Variants in TGM4 observed in about 807,000 individuals in gnomAD.
The protein encoded by TGM4 is transglutaminase 4, also known as protein-glutamine gamma-glutamyltransferase 4.
Under a neutral mutation model 76.3 loss-of-function variants are expected in TGM4, and 61 were observed. That is an observed-to-expected ratio of 0.80 (90% CI 0.65 to 0.99). TGM4 has a LOEUF of 0.99. TGM4 is among the 50% of genes least tolerant of loss of function. The probability of loss-of-function intolerance (pLI) is 0.00; values close to 1 mark genes in which losing one functional copy is unlikely to be tolerated. For missense variants in TGM4, 794 were observed against 843.2 expected, an observed-to-expected ratio of 0.94 and a Z score of 0.72; for synonymous variants, 337 against 329.8, an observed-to-expected ratio of 1.02 and a Z score of -0.24.
At chr3:44,879,375 C>A (rs961834715) in intron 1 of TGM4, among the ~76,000 whole-genome samples, 1 of 150,996 alleles carries the variant, frequency 6.6e-6, no homozygotes, top group Non-Finnish European at 1.5e-5. Flanking sequence ...GGCGTGATCT[C>A]GGCTCACTGC....
intron 1 of TGM4, among the ~76,000 whole-genome samples, chr3:44,883,011 T>C (rs1257420630): frequency 6.6e-6 from 1 of 152,204 alleles, no homozygotes; most frequent in East Asian, 1.9e-4. Context: ...CTTTCCTGCT[T>C]CCTGGTACCA....
intron 3 of TGM4, chr3:44,889,148 C>A (rs552355793): frequency 8.8e-6 from 1 of 113,530 alleles, no homozygotes; most frequent in East Asian, 2.9e-4. Context: ...GCCTGGGCAA[C>A]ACAGGGCTAC....
At chr3:44,885,858 A>G (rs1045122235) in intron 2 of TGM4, among the ~76,000 whole-genome samples, 2 of 152,216 alleles carry the variant, frequency 1.3e-5, no homozygotes, top group African/African-American at 4.8e-5. Flanking sequence ...AGGCAAGCCA[A>G]TAATAATGAT....
chr3:44,882,545 T>C (rs1323438376), intron 1 of TGM4, among the ~76,000 whole-genome samples: 10 of 152,228 alleles, frequency 6.6e-5, no homozygotes, highest in Admixed American at 3.9e-4. Flanking sequence ...CCCTTGTCTT[T>C]CTTGGTTTCT....
At chr3:44,903,813 A>G in intron 8 of TGM4, 71 bp from the exon 9 acceptor site, 1 of 1,386,870 alleles carries the variant, frequency 7.2e-7, no homozygotes, top group Non-Finnish European at 1.0e-6. Context: ...GTCTCTGGCA[A>G]TTTTGGCGTA....
At chr3:44,897,525 G>A (rs1699796096) in intron 6 of TGM4, among the ~76,000 whole-genome samples, 4 of 152,174 alleles carry the variant, frequency 2.6e-5, no homozygotes. Context: ...CTGTGTTCCA[G>A]GAAACCCCTC....
intron 5 of TGM4, among the ~76,000 whole-genome samples, chr3:44,895,530 G>T (rs531352495): frequency 3.9e-5 from 6 of 152,240 alleles, no homozygotes; most frequent in Non-Finnish European, 4.4e-5. Flanking sequence ...CTGTGGGGAG[G>T]GGGGACTGCA....
At chr3:44,905,181 T>G (rs1699905736) in intron 9 of TGM4, among the ~76,000 whole-genome samples, 1 of 152,184 alleles carries the variant, frequency 6.6e-6, no homozygotes, top group African/African-American at 2.4e-5. Flanking sequence ...AGACAGGGTT[T>G]CACCCTGCTG....
intron 1 of TGM4, 62 bp from the exon 2 acceptor site, chr3:44,885,261 AAG>A: frequency 1.3e-6 from 2 of 1,502,092 alleles, no homozygotes; most frequent in Non-Finnish European, 1.8e-6. Context: ...TGAACCCAGA[AAG>A]AGGTGATCAG....
intron 11 of TGM4, among the ~76,000 whole-genome samples, chr3:44,910,655 T>A (rs1201954878): frequency 1.3e-5 from 2 of 152,120 alleles, no homozygotes; most frequent in Non-Finnish European, 2.9e-5. Flanking sequence ...GAAATTTTAA[T>A]CTCAGATGCC....
At chr3:44,903,741 A>G in intron 8 of TGM4, 143 bp from the exon 9 acceptor site, 1 of 750,592 alleles carries the variant, frequency 1.3e-6, no homozygotes, top group South Asian at 1.6e-5. Flanking sequence ...CTTCCTTGCC[A>G]GTGTTGACAA....
intron 1 of TGM4, among the ~76,000 whole-genome samples, chr3:44,881,056 A>G (rs1292837328): frequency 6.6e-6 from 1 of 152,138 alleles, no homozygotes; most frequent in Non-Finnish European, 1.5e-5. Context: ...CATCACCACT[A>G]TGAAGTGCAC....
intron 3 of TGM4, 173 bp from the exon 4 acceptor site, chr3:44,890,430 C>A (rs1699675781): frequency 2.4e-6 from 2 of 822,438 alleles, no homozygotes; most frequent in Admixed American, 2.4e-5. Flanking sequence ...TCTCATGCAT[C>A]CTGCCCTTGC....
intron 6 of TGM4, among the ~76,000 whole-genome samples, chr3:44,898,040 G>T (rs1450762251): frequency 6.6e-6 from 1 of 152,182 alleles, no homozygotes; most frequent in African/African-American, 2.4e-5. Context: ...CCAGCACTTT[G>T]GGAGGCCGAG....
intron 13 of TGM4, among the ~76,000 whole-genome samples, chr3:44,912,323 A>AT (rs575618455): frequency 9.2e-5 from 14 of 151,906 alleles, no homozygotes; most frequent in South Asian, 6.2e-4. Flanking sequence ...TTTATCTGGA[A>AT]TTTTTTTTGG....
intron 11 of TGM4, 72 bp downstream of exon 11, chr3:44,910,440 C>A: frequency 6.6e-7 from 1 of 1,521,186 alleles, no homozygotes; most frequent in Non-Finnish European, 8.9e-7. Context: ...CTCTTCTCCT[C>A]TGTGGACAAC....
intron 4 of TGM4, among the ~76,000 whole-genome samples, chr3:44,892,434 G>A (rs957588402): frequency 6.8e-5 from 10 of 146,820 alleles, no homozygotes; most frequent in South Asian, 2.2e-4. Flanking sequence ...GCAATGGTGC[G>A]ATCTTGGCTC....
At chr3:44,887,489 A>G (rs938418653) in intron 2 of TGM4, among the ~76,000 whole-genome samples, 200 bp from the exon 3 acceptor site, 1 of 152,166 alleles carries the variant, frequency 6.6e-6, no homozygotes, top group Admixed American at 6.5e-5. Context: ...GCTCATCTAA[A>G]TTGAACAGAA....
At chr3:44,909,098 G>T (rs751044418) in intron 10 of TGM4, among the ~76,000 whole-genome samples, 4 of 152,200 alleles carry the variant, frequency 2.6e-5, no homozygotes, top group Non-Finnish European at 4.4e-5. Flanking sequence ...GTCAGCTAAT[G>T]ATTAGATGGA....
Sources: gnomAD v4.1 joint callset for allele counts (sites outside exome capture counted in the v4.1 genomes callset) on GRCh38, gnomAD v4.1.1 for gene constraint, MANE v1.5 for transcripts, NCBI Gene and HGNC (gene_info 2026-07-23, HGNC 2026-07-21) for gene names.